The following FBXL12 variants were observed in gnomAD, a reference collection of about 807,000 sequenced individuals.
The protein encoded by FBXL12 is F-box/LRR-repeat protein 12.
Under a neutral mutation model 24.9 loss-of-function variants are expected in FBXL12, and 22 were observed. The ratio of observed to expected loss-of-function variants is 0.88; its 90% CI spans 0.63 to 1.26. The LOEUF is 1.26. Ranked by LOEUF, FBXL12 falls within the 50% of genes most tolerant of loss-of-function variation. The pLI is 0.00. For synonymous variants in FBXL12, 193 were observed against 193.8 expected (o/e 1.00, Z 0.03); for missense variants, 384 against 434.1 (o/e 0.88, Z 1.03).
At chr19:9,812,995 C>T (rs1426249251) in intron 2 of FBXL12, among the ~76,000 whole-genome samples, 1 of 152,038 alleles carries the variant, frequency 6.6e-6, no homozygotes, top group African/African-American at 2.4e-5. Context: ...ATCACTTGAA[C>T]CTGGGAAGCA....
intron 2 of FBXL12, 116 bp downstream of exon 2, chr19:9,818,429 C>T (rs1191472218): frequency 4.4e-6 from 5 of 1,142,236 alleles, no homozygotes; most frequent in African/African-American, 3.1e-5. Context: ...CCCCGGATCG[C>T]CTGGCTCTAA....
rs746110842 is a variant in FBXL12 at position 9,810,749 on chromosome 19, G to C, written c.*147C>G. The C allele has an allele frequency of 1.7e-6, 1 of 594,564 alleles. No homozygotes were observed. Among genetic ancestry groups the C allele is most frequent in the Non-Finnish European group, 2.9e-6 (1 of 345,112 alleles). The allele number at this position is 594,564 out of a possible 1,614,324, so 36.8% of individuals were successfully genotyped here. A position where few individuals can be genotyped will look rare whatever the true frequency, so the allele number is the denominator to read the frequency against. On this transcript the variant is annotated 3_prime_UTR_variant, in exon 3 of 3. Coordinates refer to ENST00000247977, the MANE Select transcript of FBXL12 (RefSeq NM_017703.3). ...ACAGCTGGCAAACAGTGATTCCAAT[G>C]GTCTGGAGGTCCCTAGGCCTCTGTT...
At chr19:9,816,199 G>T (rs1300772874) in intron 2 of FBXL12, among the ~76,000 whole-genome samples, 1 of 152,168 alleles carries the variant, frequency 6.6e-6, no homozygotes, top group Non-Finnish European at 1.5e-5. Flanking sequence ...TGCCGTGAAG[G>T]TCTCTGACAT....
chr19:9,811,931 C>CTT lies in FBXL12; in HGVS notation c.160-216_160-215dup, dbSNP rs113049178. Among the ~76,000 whole-genome samples the CTT allele has an allele frequency of 1.4e-4, 19 of 131,170 alleles. No individual in the cohort carries two copies. The highest frequency in any genetic ancestry group is 2.5e-4 in the South Asian group (1 of 4,016). The allele number at this position is 131,170 out of a possible 152,430, so 86.1% of individuals were successfully genotyped here. A position where few individuals can be genotyped will look rare whatever the true frequency, so the allele number is the denominator to read the frequency against. ...TTGCCTGCTAGGGCTTTGAACAAAT[C>CTT]TTTTTTTTTTTTTTTTTTTCTGAGA... On this transcript the variant is annotated intron_variant, in intron 2 of 2. Coordinates refer to ENST00000247977, the MANE Select transcript of FBXL12 (RefSeq NM_017703.3). This position sits in a 1 kb window ranked among gnomAD's most constrained non-coding sequence, Gnocchi z 6.0.
At chr19:9,812,759 T>TA (rs35525468) in intron 2 of FBXL12, among the ~76,000 whole-genome samples, 3,596 of 114,360 alleles carry the variant, frequency 0.031, 110 homozygotes, top group African/African-American at 0.078. Context: ...AGGTCTATGT[T>TA]AAAAAAAAAA....
rs537717626 is a variant in FBXL12 at position 9,814,934 on chromosome 19, G to A, written c.160-3217C>T. ...CAGCCAAACTATATCATTCCACCCC[G>A]GCCCCTCCAAGTCTCATGTCTTCAC... is the stretch of plus-strand genomic sequence containing the variant. On this transcript the variant is annotated intron_variant, in intron 2 of 2. Coordinates refer to ENST00000247977, the MANE Select transcript of FBXL12 (RefSeq NM_017703.3). 9.3e-5 allele frequency among the ~76,000 whole-genome samples: 10 copies of A among 107,752 alleles called. No individual in the cohort carries two copies. The East Asian group carries it at 1.1e-3, about 12-fold the overall frequency. 70.7% of individuals were successfully genotyped at this position (107,752 alleles called of 152,430 possible).
rs868578842 is a variant in FBXL12 at position 9,818,593 on chromosome 19, C to T, written c.111G>A (p.Leu37=). The change falls in exon 2 of 3, where the codon CTG becomes CTA. Residue 37 remains leucine, a synonymous_variant. Transcript: ENST00000247977. The part of the protein sequence containing the change: ...ISRVCHRWKR[L]VDDRWLWRHV... Reference sequence around the variant, plus strand: ...GTCGCCACAGCCACCGGTCGTCCACCAGCCTCTTCCAGCGGTGACAGACCC... The same window carrying T: ...GTCGCCACAGCCACCGGTCGTCCACTAGCCTCTTCCAGCGGTGACAGACCC... 3.9e-6 allele frequency: 6 copies of T among 1,555,372 alleles called. No homozygotes were observed. Among genetic ancestry groups the T allele is most frequent in the Non-Finnish European group, 4.3e-6 (5 of 1,150,706 alleles).
At position 9,818,762 on chromosome 19, in the gene FBXL12, A is replaced by G; in HGVS notation, c.52T>C (p.Tyr18His). ...PDSVLLEIFS[Y>H]LPVRDRIRIS... ...CGGATCCGGTCCCGTACCGGGAGGT[A>G]AGAGAAGATCTCGAGCAGGACCGAG... is the stretch of plus-strand genomic sequence containing the variant. The change falls in exon 1 of 3, where the codon TAC becomes CAC. Residue 18 changes from tyrosine (Y) to histidine (H), a missense_variant. Physicochemically the swap from Tyr to His is moderately conservative, Grantham distance 83. Coordinates refer to ENST00000247977, the MANE Select transcript of FBXL12 (RefSeq NM_017703.3). The G allele has an allele frequency of 6.4e-7, 1 of 1,555,204 alleles. No individual in the cohort carries two copies. Among genetic ancestry groups the G allele is most frequent in the Non-Finnish European group, 8.7e-7 (1 of 1,148,214 alleles).
chr19:9,811,699 A>G lies in FBXL12; in HGVS notation c.178T>C (p.Trp60Arg). ...TLYTMRPKVM[W>R]HLLRRYMASR... is the part of the protein sequence containing the mutation. ...GCCATGTACCTTCGAAGGAGGTGCC[A>G]CATGACTTTAGGTCGCATCTGTAAG... Residue 60 changes from tryptophan to arginine, a missense_variant, in exon 3 of 3, where the codon TGG (tryptophan) becomes CGG (arginine). By Grantham distance (101) the Trp-to-Arg change is moderately radical (BLOSUM62 -3). Coordinates refer to ENST00000247977, the MANE Select transcript of FBXL12 (RefSeq NM_017703.3). This position sits in a 1 kb window ranked among gnomAD's most constrained non-coding sequence, Gnocchi z 6.0. The G allele has an allele frequency of 6.6e-7, 1 of 1,512,546 alleles. No homozygotes were observed. The allele number at this position is 1,512,546 out of a possible 1,614,324, so 93.7% of individuals were successfully genotyped here. A position where few individuals can be genotyped will look rare whatever the true frequency, so the allele number is the denominator to read the frequency against.
At position 9,818,784 on chromosome 19, in the gene FBXL12, C is replaced by T. The variant is rs773870634; in HGVS notation, c.30G>A (p.Ser10=). The stretch of plus-strand genomic sequence containing the variant: ...GGTAAGAGAAGATCTCGAGCAGGAC[C>T]GAGTCCGGCAGTTCGACCAAAGTCG... MATLVELPD[S]VLLEIFSYLP... Residue 10 remains serine, a synonymous_variant, in exon 1 of 3, where the codon TCG becomes TCA. Transcript: ENST00000247977. 1 of 1,555,602 alleles carries T rather than the reference C, an allele frequency of 6.4e-7. No individual in the cohort carries two copies. The highest frequency in any genetic ancestry group is 8.7e-7 in the Non-Finnish European group (1 of 1,148,286).
Position 9,811,277 on chromosome 19 carries a change from C to A in FBXL12, c.600G>T (p.Glu200Asp), listed in dbSNP as rs2045741827. ...CCTCAAGCCTCTGCAGATAGCTGAGCTCCTGCAGGCCAGCATCCAGCCCTG... is the reference window on the plus strand; with the variant it reads ...CCTCAAGCCTCTGCAGATAGCTGAGATCCTGCAGGCCAGCATCCAGCCCTG... ...TETGLDAGLQELSYLQRLEVL... is the reference protein window; with the variant it reads ...TETGLDAGLQDLSYLQRLEVL... The change falls in exon 3 of 3, where the codon GAG (glutamate) becomes GAT (aspartate). Residue 200 changes from glutamate (E) to aspartate (D), a missense_variant. By Grantham distance (45) the Glu-to-Asp change is conservative. Transcript: ENST00000247977. This position sits in a 1 kb window ranked among gnomAD's most constrained non-coding sequence, Gnocchi z 6.0. 2.5e-6 allele frequency: 4 copies of A among 1,610,546 alleles called. No homozygotes were observed. Among genetic ancestry groups the A allele is most frequent in the Non-Finnish European group, 3.4e-6 (4 of 1,179,980 alleles).
At position 9,811,815 on chromosome 19, in the gene FBXL12, G is replaced by T; in HGVS notation, c.160-98C>A. On this transcript the variant is annotated intron_variant, in intron 2 of 2. Coordinates refer to ENST00000247977, the MANE Select transcript of FBXL12 (RefSeq NM_017703.3). This position sits in a 1 kb window ranked among gnomAD's most constrained non-coding sequence, Gnocchi z 6.0. ...ACACAACCCCGGGGTGGGGGATTCT[G>T]GTGCCCTGCTGGGCTTCTGCCCTTG... is the stretch of plus-strand genomic sequence containing the variant. 1 of 1,070,136 alleles carries T rather than the reference G, an allele frequency of 9.3e-7. No homozygotes were observed. The allele number at this position is 1,070,136 out of a possible 1,614,324, so 66.3% of individuals were successfully genotyped here.
At position 9,811,593 on chromosome 19, in the gene FBXL12, C is replaced by G; in HGVS notation, c.284G>C (p.Arg95Thr). ...GTTGGGGCACTTCTGGCCCAGGGCT[C>G]TCAACAGAGCAGGGGACAACTGGGG... The part of the protein sequence containing the change: ...QAPQLSPALL[R>T]ALGQKCPNLK... The change falls in exon 3 of 3, where the codon AGA (arginine) becomes ACA (threonine). Residue 95 changes from arginine (R) to threonine (T), a missense_variant. Transcript: ENST00000247977. The surrounding 1 kb of genome is among the most constrained non-coding windows in gnomAD (Gnocchi z 6.0). 2 of 1,570,090 alleles carry G rather than the reference C, an allele frequency of 1.3e-6. No homozygotes were observed. Among genetic ancestry groups the G allele is most frequent in the East Asian group, 2.2e-5 (1 of 44,450 alleles).
chr19:9,811,533 C>A lies in FBXL12; in HGVS notation c.344G>T (p.Ser115Ile), dbSNP rs752427559. ...KRLCLHVADL[S>I]MVPITSLPST... ...GGGCAGGCTGGTGATGGGCACCATG[C>A]TCAGGTCGGCCACGTGCAGGCAGAG... The change falls in exon 3 of 3, where the codon AGC (serine) becomes ATC (isoleucine). Residue 115 changes from serine (S) to isoleucine (I), a missense_variant. Physicochemically the swap from Ser to Ile is moderately radical, Grantham distance 142. Coordinates refer to ENST00000247977, the MANE Select transcript of FBXL12 (RefSeq NM_017703.3). The surrounding 1 kb of genome is among the most constrained non-coding windows in gnomAD (Gnocchi z 6.0). 5 of 1,611,672 alleles carry A rather than the reference C, an allele frequency of 3.1e-6. No individual in the cohort carries two copies. The Admixed American group carries it at 8.3e-5, about 27-fold the overall frequency.
At position 9,811,836 on chromosome 19, in the gene FBXL12, C is replaced by A. The variant is rs781082526; in HGVS notation, c.160-119G>T. Reference sequence around the variant, plus strand: ...TTCTGGTGCCCTGCTGGGCTTCTGCCCTTGCCTAGCCAGTCTCCTCCCCAG... The same window carrying A: ...TTCTGGTGCCCTGCTGGGCTTCTGCACTTGCCTAGCCAGTCTCCTCCCCAG... On this transcript the variant is annotated intron_variant, in intron 2 of 2. Coordinates refer to ENST00000247977, the MANE Select transcript of FBXL12 (RefSeq NM_017703.3). This position sits in a 1 kb window ranked among gnomAD's most constrained non-coding sequence, Gnocchi z 6.0. 7.4e-6 allele frequency: 6 copies of A among 812,438 alleles called. No homozygotes were observed. Among genetic ancestry groups the A allele is most frequent in the Non-Finnish European group, 8.8e-6 (5 of 564,992 alleles). 50.3% of individuals were successfully genotyped at this position (812,438 alleles called of 1,614,324 possible). A position where few individuals can be genotyped will look rare whatever the true frequency, so the allele number is the denominator to read the frequency against.
chr19:9,811,528 C>T lies in FBXL12; in HGVS notation c.349G>A (p.Val117Met). 3 of 1,612,518 alleles carry T rather than the reference C, an allele frequency of 1.9e-6. No individual in the cohort carries two copies. Among genetic ancestry groups the T allele is most frequent in the Non-Finnish European group, 2.5e-6 (3 of 1,179,032 alleles). The change falls in exon 3 of 3, where the codon GTG (valine) becomes ATG (methionine). Residue 117 changes from valine to methionine, a missense_variant. By Grantham distance (21) the Val-to-Met change is conservative. Coordinates refer to ENST00000247977, the MANE Select transcript of FBXL12 (RefSeq NM_017703.3). The surrounding 1 kb of genome is among the most constrained non-coding windows in gnomAD (Gnocchi z 6.0). ...LCLHVADLSM[V>M]PITSLPSTLR... ...GTGCTGGGCAGGCTGGTGATGGGCA[C>T]CATGCTCAGGTCGGCCACGTGCAGG...
chr19:9,818,470 C>T (rs1387396475), intron 2 of FBXL12, 75 bp downstream of exon 2: 3 of 1,468,236 alleles, frequency 2.0e-6, no homozygotes, highest in Middle Eastern at 2.2e-4. Context: ...CACACAGTCC[C>T]AGGGTGGGAG....
At chr19:9,818,475 T>C in intron 2 of FBXL12, 70 bp downstream of exon 2, 3 of 1,472,192 alleles carry the variant, frequency 2.0e-6, no homozygotes, top group Non-Finnish European at 9.1e-7. Context: ...AGTCCCAGGG[T>C]GGGAGAGGTG....
intron 2 of FBXL12, chr19:9,813,175 T>A: frequency 9.9e-7 from 1 of 1,012,568 alleles, no homozygotes; most frequent in South Asian, 5.1e-5. Flanking sequence ...TTGATAGCAC[T>A]GGGCATTTCA....
Sources: gnomAD v4.1 joint callset for allele counts (sites outside exome capture counted in the v4.1 genomes callset) on GRCh38, gnomAD v4.1.1 for gene constraint, Gnocchi (gnomAD v3.1) non-coding constraint, MANE v1.5 for transcripts, NCBI Gene and HGNC (gene_info 2026-07-23, HGNC 2026-07-21) for gene names.